CDC14A: variants seen among roughly 807,000 people sequenced by gnomAD.
CDC14A encodes the protein cell division cycle 14A.
CDC14A carries 53 observed loss-of-function variants against 74.4 expected under a neutral mutation model. The observed-to-expected ratio is 0.71, with a 90% CI of 0.57 to 0.89. The LOEUF is 0.89. Among genes scored for constraint, CDC14A ranks in the 40% least tolerant of loss-of-function variants. The pLI, the probability that CDC14A is intolerant of heterozygous loss-of-function variation, is 0.00. For synonymous variants in CDC14A, 247 were observed against 258.4 expected, an observed-to-expected ratio of 0.96 and a Z score of 0.43; for missense variants, 646 against 713.7, an observed-to-expected ratio of 0.91 and a Z score of 1.08.
At chr1:100,383,732 G>A (rs1179297976) in intron 3 of CDC14A, 3 of 152,356 alleles carry the variant, frequency 2.0e-5, no homozygotes, top group African/African-American at 7.2e-5. Context: ...TGTTTAGGAG[G>A]TGCATGGGCT....
intron 7 of CDC14A, among the ~76,000 whole-genome samples, chr1:100,448,373 T>C (rs946313025): frequency 1.3e-5 from 2 of 152,262 alleles, no homozygotes; most frequent in Admixed American, 6.5e-5. Context: ...GCCTTGATCC[T>C]ATACTTTTAA....
intron 4 of CDC14A, among the ~76,000 whole-genome samples, chr1:100,422,069 C>T (rs1662422102): frequency 6.6e-6 from 1 of 152,160 alleles, no homozygotes; most frequent in Non-Finnish European, 1.5e-5. Flanking sequence ...AAGAATCTTC[C>T]TGGAATTTAG....
At chr1:100,459,644 G>A (rs555680294) in intron 8 of CDC14A, among the ~76,000 whole-genome samples, 10 of 152,126 alleles carry the variant, frequency 6.6e-5, no homozygotes, top group South Asian at 2.1e-4. Flanking sequence ...CTCTGATACC[G>A]TGTTCATGTG....
chr1:100,360,765 A>G (rs1652649426), intron 2 of CDC14A, among the ~76,000 whole-genome samples: 1 of 152,222 alleles, frequency 6.6e-6, no homozygotes. Context: ...TAATCTTCAT[A>G]ATGATAAATT....
Position 100,498,108 on chromosome 1 carries a change from C to T in CDC14A, c.1322C>T (p.Ser441Phe). The change falls in exon 14 of 16, where the codon TCT becomes TTT. Residue 441 changes from serine (S) to phenylalanine (F), a missense_variant. Physicochemically the swap from Ser to Phe is radical, Grantham distance 155. Transcript: ENST00000336454. ...AGATTAAGTTCATCCCTGCAAGGAT[C>T]TGCAGTTACTTTGAAGACATCAAAA... ...PFRLSSSLQG[S>F]AVTLKTSKMA... The T allele has an allele frequency of 6.2e-7, 1 of 1,614,072 alleles. No homozygotes were observed. The highest frequency in any genetic ancestry group is 8.5e-7 in the Non-Finnish European group (1 of 1,179,954).
chr1:100,498,756 A>G (rs760337627), intron 14 of CDC14A, among the ~76,000 whole-genome samples, 173 bp from the exon 15 acceptor site: 7 of 152,224 alleles, frequency 4.6e-5, no homozygotes, highest in African/African-American at 1.7e-4. Flanking sequence ...AAGGCTACAT[A>G]TTATCATAAC....
At chr1:100,374,187 T>C (rs1425835950) in intron 2 of CDC14A, among the ~76,000 whole-genome samples, 4 of 152,244 alleles carry the variant, frequency 2.6e-5, no homozygotes, top group Non-Finnish European at 5.9e-5. Flanking sequence ...TGCCACATTT[T>C]CTTAATCCAG....
intron 11 of CDC14A, among the ~76,000 whole-genome samples, chr1:100,488,823 A>C (rs980797368): frequency 2.0e-5 from 3 of 152,202 alleles, no homozygotes; most frequent in Non-Finnish European, 4.4e-5. Flanking sequence ...TTAAATCTCT[A>C]ATGTCCTGCT....
intron 4 of CDC14A, among the ~76,000 whole-genome samples, chr1:100,411,217 G>A (rs1045908809): frequency 2.0e-5 from 3 of 152,072 alleles, no homozygotes; most frequent in East Asian, 1.9e-4. Flanking sequence ...CTCTACCTTC[G>A]CAGCCCTCAG....
intron 15 of CDC14A, among the ~76,000 whole-genome samples, chr1:100,505,429 G>C (rs1649148181): frequency 6.6e-6 from 1 of 152,154 alleles, no homozygotes; most frequent in Non-Finnish European, 1.5e-5. Flanking sequence ...TGTGTTTTAA[G>C]GAATTATTGG....
chr1:100,376,186 A>C (rs1402958191), intron 2 of CDC14A, among the ~76,000 whole-genome samples: 3 of 152,180 alleles, frequency 2.0e-5, no homozygotes, highest in Non-Finnish European at 4.4e-5. Flanking sequence ...TAGCATTGGG[A>C]GCTATACCTA....
intron 2 of CDC14A, among the ~76,000 whole-genome samples, chr1:100,369,506 T>C (rs1370492185): frequency 2.6e-5 from 4 of 152,190 alleles, no homozygotes; most frequent in Non-Finnish European, 5.9e-5. Context: ...TCATTTTTCA[T>C]ATGTTAGGTG....
chr1:100,408,439 A>G (rs1443772136), intron 4 of CDC14A, among the ~76,000 whole-genome samples: 2 of 152,310 alleles, frequency 1.3e-5, no homozygotes, highest in Non-Finnish European at 2.9e-5. Flanking sequence ...ACTCAGTAAT[A>G]CGATTGCTGG....
chr1:100,419,599 AT>A (rs1183176725), intron 4 of CDC14A, among the ~76,000 whole-genome samples: 4 of 152,240 alleles, frequency 2.6e-5, no homozygotes, highest in Non-Finnish European at 5.9e-5. Context: ...CACAGTTAGT[AT>A]TCTGTGTATT....
At chr1:100,417,352 C>G (rs1299180252) in intron 4 of CDC14A, among the ~76,000 whole-genome samples, 1 of 152,202 alleles carries the variant, frequency 6.6e-6, no homozygotes, top group Non-Finnish European at 1.5e-5. Context: ...CAGACTATCT[C>G]TGTGCCCTCG....
intron 3 of CDC14A, among the ~76,000 whole-genome samples, chr1:100,384,495 C>A (rs370662109): frequency 1.3e-3 from 203 of 152,284 alleles, no homozygotes; most frequent in African/African-American, 4.7e-3. Context: ...TAAGCCTTGG[C>A]CAATATTTTG....
intron 10 of CDC14A, 51 bp downstream of exon 10, chr1:100,468,145 T>C: frequency 6.2e-7 from 1 of 1,601,222 alleles, no homozygotes; most frequent in Non-Finnish European, 8.5e-7. Context: ...TGATCCTTTC[T>C]ACCTCTTGTT....
At chr1:100,498,905 T>A in intron 14 of CDC14A, 24 bp from the exon 15 acceptor site, 2 of 1,594,044 alleles carry the variant, frequency 1.3e-6, no homozygotes, top group Non-Finnish European at 1.7e-6. Flanking sequence ...GTTTTTTCCC[T>A]CCTCACTTGT....
At position 100,502,065 on chromosome 1, in the gene CDC14A, A is replaced by G. The variant is rs1301945532; in HGVS notation, c.1755+2803A>G. ...TATTACAAAAGAGTCAAAAGTTAAA[A>G]CAATTAAGTTTATAAAATAAAAATG... On this transcript the variant is annotated intron_variant, in intron 15 of 15. Transcript: ENST00000336454. Among the ~76,000 whole-genome samples the G allele has an allele frequency of 4.6e-5, 7 of 152,300 alleles. No homozygotes were observed. The East Asian group carries it at 1.3e-3, about 29-fold the overall frequency.
Sources: gnomAD v4.1 joint callset for allele counts (sites outside exome capture counted in the v4.1 genomes callset) on GRCh38, gnomAD v4.1.1 for gene constraint, MANE v1.5 for transcripts, NCBI Gene and HGNC (gene_info 2026-07-23, HGNC 2026-07-21) for gene names.